The following SPAG16 variants were observed in gnomAD, a reference collection of about 807,000 sequenced individuals.
SPAG16 encodes the protein sperm associated antigen 16.
In SPAG16, 86 loss-of-function variants were observed where a neutral mutation model predicts 80.4. The observed-to-expected ratio is 1.07, with a 90% CI of 0.90 to 1.28. SPAG16 has a LOEUF of 1.28. SPAG16 is among the 50% of genes most tolerant of loss of function. The pLI, the probability that SPAG16 is intolerant of heterozygous loss-of-function variation, is 0.00. For missense variants in SPAG16, 870 were observed against 765.3 expected (o/e 1.14, Z -1.61); for synonymous variants, 294 against 265.9 (o/e 1.11, Z -1.03).
intron 11 of SPAG16, among the ~76,000 whole-genome samples, chr2:213,928,338 C>A (rs2078588487): frequency 6.6e-6 from 1 of 151,808 alleles, no homozygotes; most frequent in South Asian, 2.1e-4. Flanking sequence ...ATGATCTGCC[C>A]CCCTCGACCT....
At chr2:213,339,711 A>G (rs997591795) in intron 5 of SPAG16, among the ~76,000 whole-genome samples, 7 of 152,098 alleles carry the variant, frequency 4.6e-5, no homozygotes, top group Non-Finnish European at 5.9e-5. Context: ...TCTTTTCCCA[A>G]TTATCAGAAC....
chr2:214,144,388 A>G (rs1214333678), intron 14 of SPAG16, among the ~76,000 whole-genome samples: 1 of 151,690 alleles, frequency 6.6e-6, no homozygotes, highest in African/African-American at 2.4e-5. Context: ...ATGTAACCAC[A>G]GTTTGGCATA....
chr2:213,731,153 G>GTTTT (rs57074369), intron 10 of SPAG16, among the ~76,000 whole-genome samples: 2 of 107,082 alleles, frequency 1.9e-5, no homozygotes, highest in Admixed American at 2.3e-4. Context: ...TTATATCTGA[G>GTTTT]TTTTTTTTTT....
chr2:213,542,497 C>G (rs1349426186), intron 10 of SPAG16, among the ~76,000 whole-genome samples: 1 of 152,020 alleles, frequency 6.6e-6, no homozygotes, highest in Non-Finnish European at 1.5e-5. Context: ...AAAATCCTCC[C>G]AGTAAGCCAT....
intron 15 of SPAG16, among the ~76,000 whole-genome samples, chr2:214,325,276 A>G (rs931035762): frequency 6.6e-6 from 1 of 152,230 alleles, no homozygotes; most frequent in African/African-American, 2.4e-5. Context: ...TGGTAGGTCT[A>G]GGAGTTGCCT....
At position 213,502,496 on chromosome 2, in the gene SPAG16, A is replaced by G. The variant is rs138944043; in HGVS notation, c.1070+12406A>G. Among the ~76,000 whole-genome samples the G allele has an allele frequency of 8.2e-4, 125 of 152,294 alleles. 2 individuals are homozygous for G. The highest frequency in any genetic ancestry group is 3.4e-3 in the Middle Eastern group (1 of 294). On this transcript the variant is annotated intron_variant, in intron 10 of 15. Transcript: ENST00000331683. ...TTATTTTTTATTTGTTCACCCTACTATAAAGTCATTTAGATGAAAGTAGAA... is the reference window on the plus strand; with the variant it reads ...TTATTTTTTATTTGTTCACCCTACTGTAAAGTCATTTAGATGAAAGTAGAA...
rs569732238 is a variant in SPAG16, at chr2:213,560,713, A to G, written c.1070+70623A>G. On this transcript the variant is annotated intron_variant, in intron 10 of 15. Transcript: ENST00000331683. ...TTCTCCACAATGTGAGTTAAGAATT[A>G]CTTTTCTTTCCTTGTTCCACTTCCT... is the stretch of plus-strand genomic sequence containing the variant. Among the ~76,000 whole-genome samples, 11 of 152,282 alleles carry G rather than the reference A, an allele frequency of 7.2e-5. No individual in the cohort carries two copies. In the East Asian group the frequency reaches 1.9e-3, roughly 27 times the overall value.
intron 15 of SPAG16, among the ~76,000 whole-genome samples, chr2:214,398,596 A>G (rs1701532546): frequency 6.6e-6 from 1 of 152,240 alleles, no homozygotes; most frequent in Non-Finnish European, 1.5e-5. Flanking sequence ...GGCTGAATAA[A>G]GAACAAACTA....
intron 9 of SPAG16, chr2:213,396,677 C>T (rs147104597): frequency 8.8e-6 from 4 of 456,268 alleles, no homozygotes; most frequent in Non-Finnish European, 1.8e-5. Context: ...ACAGTGCACA[C>T]CAGCACATCG....
intron 15 of SPAG16, among the ~76,000 whole-genome samples, chr2:214,212,536 C>T (rs372000937): frequency 1.3e-5 from 2 of 152,144 alleles, no homozygotes; most frequent in African/African-American, 2.4e-5. Flanking sequence ...GGGCTTCCAC[C>T]GTGATTGTGC....
At chr2:213,532,442 C>G (rs543584198) in intron 10 of SPAG16, among the ~76,000 whole-genome samples, 2 of 150,502 alleles carry the variant, frequency 1.3e-5, no homozygotes, top group Non-Finnish European at 1.5e-5. Context: ...GAAAGTTTCT[C>G]TTCATATGAG....
At chr2:214,016,362 G>A (rs537875828) in intron 13 of SPAG16, among the ~76,000 whole-genome samples, 11 of 152,202 alleles carry the variant, frequency 7.2e-5, no homozygotes, top group East Asian at 1.9e-4. Flanking sequence ...ATCAGAGCTC[G>A]TGAGACTTAT....
chr2:213,525,351 C>T (rs1178595169), intron 10 of SPAG16, among the ~76,000 whole-genome samples: 12 of 141,642 alleles, frequency 8.5e-5, no homozygotes, highest in Admixed American at 2.2e-4. Context: ...TGCAGTGGCG[C>T]GATCTTGGCT....
chr2:213,343,145 G>A (rs1421879221), intron 6 of SPAG16, among the ~76,000 whole-genome samples: 1 of 152,088 alleles, frequency 6.6e-6, no homozygotes, highest in African/African-American at 2.4e-5. Flanking sequence ...ACAGCACCTG[G>A]GAAACTCTGA....
chr2:213,833,576 T>TAA (rs1553640561), intron 10 of SPAG16, among the ~76,000 whole-genome samples: 1 of 20,018 alleles, frequency 5.0e-5, no homozygotes, highest in Non-Finnish European at 9.7e-5. Context: ...AATATATATA[T>TAA]AATATATATA....
At chr2:213,620,813 T>TTA (rs957400428) in intron 10 of SPAG16, among the ~76,000 whole-genome samples, 3 of 152,110 alleles carry the variant, frequency 2.0e-5, no homozygotes, top group Non-Finnish European at 4.4e-5. Context: ...TCAAATGTAA[T>TTA]TATATATATT....
intron 15 of SPAG16, among the ~76,000 whole-genome samples, chr2:214,204,512 A>G (rs2058090491): frequency 6.6e-6 from 1 of 152,228 alleles, no homozygotes; most frequent in Non-Finnish European, 1.5e-5. Flanking sequence ...GACTCTGTGC[A>G]GACACTACCC....
At chr2:213,793,454 T>C (rs1315809326) in intron 10 of SPAG16, among the ~76,000 whole-genome samples, 1 of 152,178 alleles carries the variant, frequency 6.6e-6, no homozygotes, top group Admixed American at 6.5e-5. Flanking sequence ...CCAGTTACTC[T>C]GAATAAATAA....
chr2:213,970,334 T>C (rs142284024), intron 12 of SPAG16, among the ~76,000 whole-genome samples: 1 of 152,000 alleles, frequency 6.6e-6, no homozygotes, highest in African/African-American at 2.4e-5. Context: ...ATAGATAGCA[T>C]CTTATTGTGT....
Sources: allele counts gnomAD v4.1 joint callset (sites outside exome capture counted in the v4.1 genomes callset), GRCh38; gene constraint gnomAD v4.1.1; transcripts MANE v1.5; gene names NCBI Gene and HGNC (gene_info 2026-07-23, HGNC 2026-07-21).